QSOX2: variants seen among roughly 807,000 people sequenced by gnomAD.
QSOX2 encodes sulfhydryl oxidase 2.
QSOX2 carries 46 observed loss-of-function variants against 61.7 expected under a neutral mutation model. That is an observed-to-expected ratio of 0.75 (90% confidence interval 0.59 to 0.95). The LOEUF (loss-of-function observed/expected upper bound fraction) is 0.95. Among genes scored for constraint, QSOX2 ranks in the 40% least tolerant of loss-of-function variants. The pLI is 0.00. For synonymous variants in QSOX2, 383 were observed against 388.4 expected, an observed-to-expected ratio of 0.99 and a Z score of 0.16; for missense variants, 879 against 918.9, an observed-to-expected ratio of 0.96 and a Z score of 0.56.
rs1831829111 is a variant in QSOX2, at chr9:136,210,247, G to A, written c.1550-972C>T. On this transcript the variant is annotated intron_variant, in intron 11 of 11. Transcript: ENST00000358701. ...AGAAGACCCCAGGCACATCTCCGAG[G>A]GGCCTCCCAGGAGCTTGGGTCTCAA... 3 of 985,386 alleles carry A rather than the reference G, an allele frequency of 3.0e-6. No individual in the cohort carries two copies. The African/African-American group carries it at 5.2e-5, about 17-fold the overall frequency. 61.0% of individuals were successfully genotyped at this position (985,386 alleles called of 1,614,324 possible). A position where few individuals can be genotyped will look rare whatever the true frequency, so the allele number is the denominator to read the frequency against.
Position 136,219,070 on chromosome 9 carries a change from CTTT to C in QSOX2, c.913_915del (p.Lys305del), listed in dbSNP as rs1831949743. 6.2e-6 allele frequency: 10 copies of C among 1,613,992 alleles called. No homozygotes were observed. The highest frequency in any genetic ancestry group is 1.3e-5 in the African/African-American group (1 of 74,936). On this transcript the variant is annotated inframe_deletion, in exon 7 of 12. Transcript: ENST00000358701. ...CAAACCACGATTTCTGAATTTTCTT[CTTT>C]GTGTGGCTTTTCAGGCAAGGGAAGC...
intron 1 of QSOX2, among the ~76,000 whole-genome samples, chr9:136,236,496 G>A (rs111805945): frequency 4.6e-5 from 7 of 152,232 alleles, no homozygotes; most frequent in African/African-American, 1.4e-4. Context: ...CTTTCCTCAC[G>A]ACAGCAGAAG....
At chr9:136,240,903 C>G (rs1369214121) in intron 1 of QSOX2, among the ~76,000 whole-genome samples, 1 of 152,264 alleles carries the variant, frequency 6.6e-6, no homozygotes, top group African/African-American at 2.4e-5. Context: ...ATGACAGTCC[C>G]TCAGCCCGTC....
chr9:136,230,523 C>T (rs923555265), intron 1 of QSOX2, among the ~76,000 whole-genome samples: 4 of 152,184 alleles, frequency 2.6e-5, no homozygotes, highest in African/African-American at 9.7e-5. Flanking sequence ...CACCGCAGGG[C>T]GCTGCCCAAA....
chr9:136,238,242 G>C (rs1038976658), intron 1 of QSOX2, among the ~76,000 whole-genome samples: 1 of 152,250 alleles, frequency 6.6e-6, no homozygotes, highest in African/African-American at 2.4e-5. Context: ...AAACTAGTCA[G>C]ACGGGGAAAC....
rs1588636185 is a variant in QSOX2 at position 136,223,248 on chromosome 9, C to G, written c.675+515G>C. Among the ~76,000 whole-genome samples, 1 of 152,162 alleles carries G rather than the reference C, an allele frequency of 6.6e-6. No individual in the cohort carries two copies. Among genetic ancestry groups the G allele is most frequent in the African/African-American group, 2.4e-5 (1 of 41,418 alleles). On this transcript the variant is annotated intron_variant, in intron 5 of 11. Transcript: ENST00000358701. This position sits in a 1 kb window ranked among gnomAD's most constrained non-coding sequence, Gnocchi z 4.4. The stretch of plus-strand genomic sequence containing the variant: ...CCGGGAAGACTGTCAGCAATAATGA[C>G]TCTCCGTGAGCTGCCCCTGCACCTG...
At position 136,208,586 on chromosome 9, in the gene QSOX2, T is replaced by G; in HGVS notation, c.*142A>C. On this transcript the variant is annotated 3_prime_UTR_variant, in exon 12 of 12. Coordinates refer to ENST00000358701, the MANE Select transcript of QSOX2 (RefSeq NM_181701.4). ...GAAGAGCGTTTGTAAAACCAGGACT[T>G]TGAAGCCAAAAGGTGCCATCCGATG... The G allele has an allele frequency of 1.0e-6, 1 of 983,992 alleles. No individual in the cohort carries two copies. The allele number at this position is 983,992 out of a possible 1,614,324, so 61.0% of individuals were successfully genotyped here.
At position 136,245,620 on chromosome 9, in the gene QSOX2, C is replaced by T; in HGVS notation, c.184G>A (p.Ala62Thr). The T allele has an allele frequency of 6.6e-7, 1 of 1,523,466 alleles. No homozygotes were observed. Among genetic ancestry groups the T allele is most frequent in the South Asian group, 1.2e-5 (1 of 83,118 alleles). 94.4% of individuals were successfully genotyped at this position (1,523,466 alleles called of 1,614,324 possible). ...AARLYRAGED[A>T]VWVLDSGSVR... ...CTGCCGCTGTCCAGCACCCACACGG[C>T]GTCCTCGCCCGCGCGGTACAGCCGC... The change falls in exon 1 of 12, where the codon GCC becomes ACC. Residue 62 changes from alanine (A) to threonine (T), a missense_variant. Transcript: ENST00000358701.
At chr9:136,242,250 A>G (rs1194904490) in intron 1 of QSOX2, among the ~76,000 whole-genome samples, 1 of 152,286 alleles carries the variant, frequency 6.6e-6, no homozygotes, top group Non-Finnish European at 1.5e-5. Context: ...CTAAAGTTCA[A>G]TCCAAATTTC....
In QSOX2 at chr9:136,219,094, G is replaced by C. The variant is rs771922260; in HGVS notation, c.892C>G (p.Pro298Ala). ...TCTTTGTGTGGCTTTTCAGGCAAGG[G>C]AAGCGATTTTTTCCTCACATCCGGC... is the stretch of plus-strand genomic sequence containing the variant. ...SLPDVRKKSL[P>A]LPEKPHKEEN... is the part of the protein sequence containing the mutation. The change falls in exon 7 of 12, where the codon CCC becomes GCC. Residue 298 changes from proline to alanine, a missense_variant. Pro to Ala is a conservative substitution (Grantham distance 27, BLOSUM62 -1). Coordinates refer to ENST00000358701, the MANE Select transcript of QSOX2 (RefSeq NM_181701.4). 1 of 1,614,124 alleles carries C rather than the reference G, an allele frequency of 6.2e-7. No individual in the cohort carries two copies. Among genetic ancestry groups the C allele is most frequent in the Non-Finnish European group, 8.5e-7 (1 of 1,180,020 alleles).
intron 1 of QSOX2, among the ~76,000 whole-genome samples, chr9:136,232,021 A>C (rs1830336309): frequency 6.6e-6 from 1 of 152,026 alleles, no homozygotes; most frequent in Admixed American, 6.5e-5. Flanking sequence ...AGACACATAA[A>C]CAGGGAGGCA....
Position 136,211,480 on chromosome 9 carries a change from C to CGGCAGG in QSOX2, c.1361-34_1361-29dup, listed in dbSNP as rs780833587. 5.6e-5 allele frequency: 90 copies of CGGCAGG among 1,607,772 alleles called. No individual in the cohort carries two copies. In the East Asian group the frequency reaches 2.0e-3, roughly 35 times the overall value. ...GCAGGGGAAGAAACACTGCTGACAA[C>CGGCAGG]GGCAGGTGCGTGGGCATCACCTGAC... On this transcript the variant is annotated intron_variant, in intron 10 of 11. Transcript: ENST00000358701.
chr9:136,218,470 C>T (rs898466018), intron 8 of QSOX2, among the ~76,000 whole-genome samples: 3 of 152,260 alleles, frequency 2.0e-5, no homozygotes, highest in African/African-American at 7.2e-5. Flanking sequence ...ACACCCACCG[C>T]CCCAGCCCCA....
chr9:136,214,563 G>A (rs918378453), intron 10 of QSOX2, among the ~76,000 whole-genome samples: 2 of 152,250 alleles, frequency 1.3e-5, no homozygotes, highest in Admixed American at 6.5e-5. Flanking sequence ...CAAGCCACGT[G>A]CAAGGAGGCA....
chr9:136,244,313 G>C (rs1335271402), intron 1 of QSOX2, among the ~76,000 whole-genome samples: 2 of 152,166 alleles, frequency 1.3e-5, no homozygotes, highest in African/African-American at 4.8e-5. Flanking sequence ...GAAAACATGA[G>C]ATCAAAGAGG....
At chr9:136,219,419 G>A (rs1399054109) in intron 6 of QSOX2, among the ~76,000 whole-genome samples, 2 of 152,248 alleles carry the variant, frequency 1.3e-5, no homozygotes, top group African/African-American at 4.8e-5. Flanking sequence ...ACTCATTTAT[G>A]TTTGTGGGGA....
Position 136,224,758 on chromosome 9 carries a change from G to A in QSOX2, c.478+103C>T, listed in dbSNP as rs1040981446. 12 of 662,758 alleles carry A rather than the reference G, an allele frequency of 1.8e-5. No homozygotes were observed. In the African/African-American group the frequency reaches 1.9e-4, roughly 10 times the overall value. 41.1% of individuals were successfully genotyped at this position (662,758 alleles called of 1,614,324 possible). On this transcript the variant is annotated intron_variant, in intron 3 of 11. Transcript: ENST00000358701. ...GGCAGGAAGGTCAGCAGAGGGAAAG[G>A]TGCTGACCCAGGCTGGGAGCTCCCC...
intron 10 of QSOX2, among the ~76,000 whole-genome samples, chr9:136,212,104 G>C (rs1831853616): frequency 6.6e-6 from 1 of 152,200 alleles, no homozygotes; most frequent in Non-Finnish European, 1.5e-5. Context: ...AACAGACATG[G>C]ACAGGCCGGG....
At position 136,211,359 on chromosome 9, in the gene QSOX2, T is replaced by C. The variant is rs1176007485; in HGVS notation, c.1454A>G (p.Glu485Gly). The C allele has an allele frequency of 6.2e-7, 1 of 1,614,226 alleles. No individual in the cohort carries two copies. The highest frequency in any genetic ancestry group is 1.3e-5 in the African/African-American group (1 of 75,060). ...GCKECGEHFE[E>G]MAKESMDSVK... ...CGAGTCCATGGATTCTTTAGCCATT[T>C]CCTCAAAGTGCTCACCACATTCCTT... Residue 485 changes from glutamate to glycine, a missense_variant, in exon 11 of 12, where the codon GAA becomes GGA. Glu to Gly is a moderately conservative substitution (Grantham distance 98, BLOSUM62 -2). Coordinates refer to ENST00000358701, the MANE Select transcript of QSOX2 (RefSeq NM_181701.4).
Sources: gnomAD v4.1 joint callset for allele counts (sites outside exome capture counted in the v4.1 genomes callset) on GRCh38, gnomAD v4.1.1 for gene constraint, Gnocchi (gnomAD v3.1) non-coding constraint, MANE v1.5 for transcripts, NCBI Gene and HGNC (gene_info 2026-07-23, HGNC 2026-07-21) for gene names.